AP4E1: variants seen among roughly 807,000 people sequenced by gnomAD.
AP4E1 encodes the protein adaptor related protein complex 4 subunit epsilon 1, also known as AP-4 complex subunit epsilon-1.
A neutral mutation model predicts 128.2 loss-of-function variants in AP4E1; 56 were observed. The observed-to-expected ratio is 0.44, with a 90% CI of 0.35 to 0.55. AP4E1 has a LOEUF of 0.55. Among genes scored for constraint, AP4E1 ranks in the 20% least tolerant of loss-of-function variants. AP4E1 has a pLI of 0.00. For synonymous variants in AP4E1, 484 were observed against 473.1 expected, an observed-to-expected ratio of 1.02 and a Z score of -0.30; for missense variants, 1,324 against 1,307.7, an observed-to-expected ratio of 1.01 and a Z score of -0.19.
intron 15 of AP4E1, among the ~76,000 whole-genome samples, chr15:50,969,784 G>A (rs2064453099): frequency 1.3e-5 from 2 of 150,938 alleles, no homozygotes; most frequent in South Asian, 4.2e-4. Flanking sequence ...TCAGCCTCCC[G>A]AGTAGCTGGG....
chr15:50,918,244 C>T (rs2063653240), intron 3 of AP4E1: 2 of 152,248 alleles, frequency 1.3e-5, no homozygotes, highest in South Asian at 4.1e-4. Flanking sequence ...GGAGAATATG[C>T]TGATTAGATT....
intron 13 of AP4E1, among the ~76,000 whole-genome samples, chr15:50,955,392 T>C (rs1189510556): frequency 6.6e-6 from 1 of 152,212 alleles, no homozygotes; most frequent in Admixed American, 6.5e-5. Flanking sequence ...TGTGAGATGG[T>C]ATCTCATTGT....
chr15:50,957,671 CTTTTTTTTT>C (rs61656848), intron 13 of AP4E1, among the ~76,000 whole-genome samples: 1 of 88,006 alleles, frequency 1.1e-5, no homozygotes, highest in African/African-American at 4.9e-5. Context: ...ACAAGCGTTT[CTTTTTTTTT>C]TTTTTTTTTT....
At chr15:50,984,452 T>A (rs375357968) in intron 16 of AP4E1, among the ~76,000 whole-genome samples, 1 of 134,902 alleles carries the variant, frequency 7.4e-6, no homozygotes. Context: ...TACTATCCCT[T>A]CCCCCTCCCC....
rs371288194 is a variant in AP4E1 at position 50,993,393 on chromosome 15, G to C, written c.2114G>C (p.Gly705Ala). Residue 705 changes from glycine (G) to alanine (A), a missense_variant, in exon 17 of 21, where the codon GGT becomes GCT. Transcript: ENST00000261842. ...AGGACAAATAGCTTGAAGCTGGAAG[G>C]TATAAAGAAATTGTGGGGGAAAGAA... ...LKETNSLKLE[G>A]IKKLWGKEGY... 6.2e-7 allele frequency: 1 copy of C among 1,613,918 alleles called. No individual in the cohort carries two copies. The highest frequency in any genetic ancestry group is 8.5e-7 in the Non-Finnish European group (1 of 1,179,936).
At chr15:50,928,024 T>C (rs921552616) in intron 5 of AP4E1, among the ~76,000 whole-genome samples, 2 of 152,178 alleles carry the variant, frequency 1.3e-5, no homozygotes, top group Non-Finnish European at 2.9e-5. Flanking sequence ...CATTTCTTTA[T>C]TTTTGCTTCT....
At position 50,923,967 on chromosome 15, in the gene AP4E1, A is replaced by G. The variant is rs1401789290; in HGVS notation, c.383A>G (p.His128Arg). Residue 128 changes from histidine (H) to arginine (R), a missense_variant, in exon 4 of 21, where the codon CAT becomes CGT. Transcript: ENST00000261842. ...GTTTCCTTATTTCTACATGAAAGTC[A>G]TGAATTATTGCTTCTCCTTGTGAAT... ...LAVSLFLHES[H>R]ELLLLLVNTV... 3 of 1,612,092 alleles carry G rather than the reference A, an allele frequency of 1.9e-6. No homozygotes were observed. Among genetic ancestry groups the G allele is most frequent in the Non-Finnish European group, 2.5e-6 (3 of 1,178,630 alleles).
At position 50,999,119 on chromosome 15, in the gene AP4E1, C is replaced by T. The variant is rs1416607202; in HGVS notation, c.2952C>T (p.Ser984=). Residue 984 remains serine, a synonymous_variant, in exon 19 of 21, where the codon AGC becomes AGT. Coordinates refer to ENST00000261842, the MANE Select transcript of AP4E1 (RefSeq NM_007347.5). ...GTTTGCCTGTAATGGAAGCAGAAAG[C>T]ACCAAAAGCTTTCAATATAGTGTGC... is the stretch of plus-strand genomic sequence containing the variant. ...GCCLPVMEAE[S]TKSFQYSVQI... is the part of the protein sequence containing the mutation. 6.2e-7 allele frequency: 1 copy of T among 1,614,008 alleles called. No homozygotes were observed. Among genetic ancestry groups the T allele is most frequent in the South Asian group, 1.1e-5 (1 of 91,074 alleles).
rs547655462 is a variant in AP4E1, at chr15:50,963,171, G to C, written c.1851+4377G>C. Reference sequence around the variant, plus strand: ...AATGTAAATTAAGATAGCCATTATAGAAAACAGCACAGAGAGTTTTCAAAA... The same window carrying C: ...AATGTAAATTAAGATAGCCATTATACAAAACAGCACAGAGAGTTTTCAAAA... On this transcript the variant is annotated intron_variant, in intron 14 of 20. Coordinates refer to ENST00000261842, the MANE Select transcript of AP4E1 (RefSeq NM_007347.5). 4.0e-5 allele frequency among the ~76,000 whole-genome samples: 6 copies of C among 151,106 alleles called. No individual in the cohort carries two copies. In the South Asian group the frequency reaches 1.2e-3, roughly 31 times the overall value.
chr15:50,987,027 T>G (rs2064736699), intron 16 of AP4E1, among the ~76,000 whole-genome samples: 1 of 152,232 alleles, frequency 6.6e-6, no homozygotes, highest in Admixed American at 6.5e-5. Context: ...TCTTCCTGGT[T>G]TAGCCTTGGG....
chr15:50,931,019 T>C (rs768011949), intron 7 of AP4E1, 48 bp downstream of exon 7: 7 of 1,606,008 alleles, frequency 4.4e-6, no homozygotes, highest in Non-Finnish European at 6.0e-6. Context: ...TACCAGATGA[T>C]AAGCTTAGAC....
chr15:50,945,683 T>A, intron 10 of AP4E1: 3 of 785,324 alleles, frequency 3.8e-6, no homozygotes, highest in Non-Finnish European at 7.1e-6. Flanking sequence ...AAGTATATTA[T>A]GTGTGGATCT....
Position 50,999,160 on chromosome 15 carries a change from T to C in AP4E1, c.2993T>C (p.Phe998Ser). 1.9e-6 allele frequency: 3 copies of C among 1,613,998 alleles called. No individual in the cohort carries two copies. The highest frequency in any genetic ancestry group is 2.5e-6 in the Non-Finnish European group (3 of 1,179,958). Residue 998 changes from phenylalanine to serine, a missense_variant, in exon 19 of 21, where the codon TTT becomes TCT. Phe to Ser is a radical substitution (Grantham distance 155). Transcript: ENST00000261842. The part of the protein sequence containing the change: ...FQYSVQIEKP[F>S]TEGNLTGFIS... ...TATAGTGTGCAGATAGAAAAACCTT[T>C]TACAGAAGGAAATCTTACTGGTTTT...
At chr15:50,915,314 G>A in intron 2 of AP4E1, 134 bp from the exon 3 acceptor site, 1 of 890,750 alleles carries the variant, frequency 1.1e-6, no homozygotes, top group Non-Finnish European at 1.7e-6. Flanking sequence ...GATATTGGGT[G>A]ATTAATTTGT....
intron 3 of AP4E1, among the ~76,000 whole-genome samples, chr15:50,921,675 A>G (rs967934689): frequency 2.0e-5 from 3 of 152,218 alleles, no homozygotes; most frequent in Non-Finnish European, 4.4e-5. Flanking sequence ...AAGTCAAGTA[A>G]CTTATAGAGC....
intron 7 of AP4E1, among the ~76,000 whole-genome samples, chr15:50,933,564 T>C (rs969672942): frequency 6.6e-6 from 1 of 151,958 alleles, no homozygotes; most frequent in Non-Finnish European, 1.5e-5. Flanking sequence ...AGGTATAATA[T>C]TACCAATTTT....
At chr15:50,963,859 A>G (rs1263589378) in intron 14 of AP4E1, among the ~76,000 whole-genome samples, 1 of 152,202 alleles carries the variant, frequency 6.6e-6, no homozygotes, top group Non-Finnish European at 1.5e-5. Context: ...AAATAAGAGA[A>G]ATTCCTCAAT....
intron 15 of AP4E1, among the ~76,000 whole-genome samples, chr15:50,971,220 C>G (rs2064473059): frequency 6.6e-6 from 1 of 152,112 alleles, no homozygotes; most frequent in Non-Finnish European, 1.5e-5. Flanking sequence ...ATATGATATT[C>G]ATGCTGTTTT....
At position 51,004,298 on chromosome 15, in the gene AP4E1, A is replaced by G. The variant is rs1161573638; in HGVS notation, c.*1636A>G. The G allele has an allele frequency of 6.6e-6, 1 of 152,174 alleles. No individual in the cohort carries two copies. The highest frequency in any genetic ancestry group is 1.5e-5 in the Non-Finnish European group (1 of 68,048). The allele number at this position is 152,174 out of a possible 1,614,324, so 9.4% of individuals were successfully genotyped here. A position where few individuals can be genotyped will look rare whatever the true frequency, so the allele number is the denominator to read the frequency against. On this transcript the variant is annotated 3_prime_UTR_variant, in exon 21 of 21. Transcript: ENST00000261842. ...AGCAGCATGCCTCGCCCCTTACCTAATTCTGCTGTGACTCTGACAGAGAGG... is the reference window on the plus strand; with the variant it reads ...AGCAGCATGCCTCGCCCCTTACCTAGTTCTGCTGTGACTCTGACAGAGAGG...
Sources: allele counts gnomAD v4.1 joint callset (sites outside exome capture counted in the v4.1 genomes callset), GRCh38; gene constraint gnomAD v4.1.1; transcripts MANE v1.5; gene names NCBI Gene and HGNC (gene_info 2026-07-23, HGNC 2026-07-21).